Variants in ADAMTSL1 observed in about 807,000 individuals in gnomAD.
The protein encoded by ADAMTSL1 is ADAMTS like 1, also known as ADAMTS-like protein 1.
In ADAMTSL1, 126 loss-of-function variants were observed where a neutral mutation model predicts 201.8. The observed-to-expected ratio is 0.62, with a 90% CI of 0.54 to 0.72. The LOEUF (loss-of-function observed/expected upper bound fraction) is 0.72, where lower values mean the gene tolerates loss of function less well. Ranked by LOEUF, ADAMTSL1 falls within the 30% of genes least tolerant of loss-of-function variation. The pLI is 0.00. For missense variants in ADAMTSL1, 2,679 were observed against 2,277.8 expected, an observed-to-expected ratio of 1.18 and a Z score of -3.59; for synonymous variants, 1,121 against 903.4, an observed-to-expected ratio of 1.24 and a Z score of -4.32.
intron 26 of ADAMTSL1, among the ~76,000 whole-genome samples, chr9:18,904,074 T>A (rs1830156065): frequency 6.6e-6 from 1 of 152,098 alleles, no homozygotes; most frequent in Admixed American, 6.5e-5. Context: ...GGCTCAAGCT[T>A]ACTCTTGCCT....
chr9:18,368,566 C>G (rs1371138714), intron 2 of ADAMTSL1, among the ~76,000 whole-genome samples: 3 of 152,220 alleles, frequency 2.0e-5, no homozygotes, highest in Non-Finnish European at 4.4e-5. Flanking sequence ...TCTCACAACT[C>G]TTAGACAGTA....
intron 2 of ADAMTSL1, among the ~76,000 whole-genome samples, chr9:18,515,479 C>T (rs553907898): frequency 6.6e-6 from 1 of 152,186 alleles, no homozygotes; most frequent in East Asian, 1.9e-4. Context: ...GGACGACAGG[C>T]ATGAGCAATC....
chr9:18,141,530 G>A (rs1826397997), intron 1 of ADAMTSL1, among the ~76,000 whole-genome samples: 1 of 152,164 alleles, frequency 6.6e-6, no homozygotes, highest in Non-Finnish European at 1.5e-5. Flanking sequence ...TCCAGTTCAA[G>A]TAACCAGCTA....
chr9:18,054,138 G>A (rs188665111), intron 1 of ADAMTSL1, among the ~76,000 whole-genome samples: 57 of 151,936 alleles, frequency 3.8e-4, no homozygotes, highest in Admixed American at 3.2e-3. Flanking sequence ...GGAAATATAT[G>A]TGTGTGTCTA....
chr9:18,446,907 A>C (rs1820213380), intron 2 of ADAMTSL1, among the ~76,000 whole-genome samples: 1 of 151,958 alleles, frequency 6.6e-6, no homozygotes, highest in Admixed American at 6.6e-5. Flanking sequence ...AGGCAGTCAG[A>C]AGTGTGGACT....
intron 1 of ADAMTSL1, among the ~76,000 whole-genome samples, chr9:17,942,943 AC>A (rs546119183): frequency 1.3e-5 from 2 of 152,236 alleles, no homozygotes; most frequent in South Asian, 4.1e-4. Flanking sequence ...GTTTAATAAG[AC>A]AGGATCTCAT....
intron 2 of ADAMTSL1, among the ~76,000 whole-genome samples, chr9:18,312,836 T>G (rs1334071962): frequency 6.6e-6 from 1 of 152,142 alleles, no homozygotes; most frequent in African/African-American, 2.4e-5. Context: ...TAGACTCTAG[T>G]GGAAAGAGTG....
Position 18,414,107 on chromosome 9 carries a change from T to C in ADAMTSL1, c.208-90722T>C, listed in dbSNP as rs554515617. ...AAAAGATATTTTCTCTACAGTTGAC[T>C]ATTCAAGTATGAGTGTAATAACGTC... On this transcript the variant is annotated intron_variant, in intron 2 of 29. Transcript: ENST00000680146. Among the ~76,000 whole-genome samples, 5 of 152,348 alleles carry C rather than the reference T, an allele frequency of 3.3e-5. No individual in the cohort carries two copies. The South Asian group carries it at 1.0e-3, about 32-fold the overall frequency.
intron 26 of ADAMTSL1, among the ~76,000 whole-genome samples, chr9:18,897,007 A>G (rs1359842): frequency 0.91 from 138,085 of 152,202 alleles, 62,868 homozygotes; most frequent in African/African-American, 0.98. Flanking sequence ...GGGGAGGGGT[A>G]GCCACCATTT....
chr9:17,949,621 C>T (rs536347248), intron 1 of ADAMTSL1, among the ~76,000 whole-genome samples: 34 of 152,308 alleles, frequency 2.2e-4, no homozygotes, highest in African/African-American at 7.5e-4. Context: ...GTGCTATGAA[C>T]ACAATGACAT....
At chr9:18,267,580 T>A (rs970399633) in intron 2 of ADAMTSL1, among the ~76,000 whole-genome samples, 7 of 152,188 alleles carry the variant, frequency 4.6e-5, no homozygotes, top group Non-Finnish European at 7.4e-5. Context: ...CTTACTTAGT[T>A]AAGAGGAAAG....
At chr9:18,825,600 T>C (rs1473914110) in intron 21 of ADAMTSL1, among the ~76,000 whole-genome samples, 1 of 152,146 alleles carries the variant, frequency 6.6e-6, no homozygotes, top group Non-Finnish European at 1.5e-5. Flanking sequence ...AATATATCTA[T>C]ACAGAAAAGT....
intron 23 of ADAMTSL1, among the ~76,000 whole-genome samples, chr9:18,872,800 C>T (rs72692451): frequency 6.6e-6 from 1 of 152,132 alleles, no homozygotes; most frequent in African/African-American, 2.4e-5. Context: ...TATAAACATG[C>T]ATGTGCAAGT....
intron 21 of ADAMTSL1, among the ~76,000 whole-genome samples, chr9:18,820,511 T>C (rs1430126215): frequency 6.6e-6 from 1 of 152,232 alleles, no homozygotes; most frequent in African/African-American, 2.4e-5. Flanking sequence ...TCCTTAATGA[T>C]TCCCTTTTAT....
intron 16 of ADAMTSL1, among the ~76,000 whole-genome samples, chr9:18,763,015 A>T (rs1278636498): frequency 1.3e-5 from 2 of 152,144 alleles, no homozygotes; most frequent in African/African-American, 4.8e-5. Context: ...TCTTTTGGGT[A>T]TATACCCAGC....
intron 2 of ADAMTSL1, among the ~76,000 whole-genome samples, chr9:18,223,349 A>G (rs1830332718): frequency 6.6e-6 from 1 of 152,136 alleles, no homozygotes; most frequent in Non-Finnish European, 1.5e-5. Flanking sequence ...AATCTGAAAC[A>G]ATTCTGGTTC....
intron 16 of ADAMTSL1, among the ~76,000 whole-genome samples, chr9:18,762,226 C>G (rs1002394506): frequency 6.6e-6 from 1 of 152,042 alleles, no homozygotes; most frequent in African/African-American, 2.4e-5. Context: ...ATAGCGGGCA[C>G]ATAAACAATG....
chr9:17,927,462 A>G (rs1372919253), intron 1 of ADAMTSL1, among the ~76,000 whole-genome samples: 1 of 152,000 alleles, frequency 6.6e-6, no homozygotes, highest in Non-Finnish European at 1.5e-5. Flanking sequence ...ACATGCATGC[A>G]GTGGAATATT....
chr9:17,943,160 T>G (rs1000087192), intron 1 of ADAMTSL1, among the ~76,000 whole-genome samples: 1 of 152,160 alleles, frequency 6.6e-6, no homozygotes, highest in African/African-American at 2.4e-5. Context: ...CAGGCTGTTC[T>G]TGAACTCCTG....
Sources: gnomAD v4.1 joint callset for allele counts (sites outside exome capture counted in the v4.1 genomes callset) on GRCh38, gnomAD v4.1.1 for gene constraint, MANE v1.5 for transcripts, NCBI Gene and HGNC (gene_info 2026-07-23, HGNC 2026-07-21) for gene names.